HSPA8: variants seen among roughly 807,000 people sequenced by gnomAD.
HSPA8 encodes the protein heat shock cognate 71 kDa protein.
A neutral mutation model predicts 52.8 loss-of-function variants in HSPA8; 2 were observed. That is an observed-to-expected ratio of 0.04 (90% CI 0.02 to 0.12). The LOEUF is 0.12. Ranked by LOEUF, HSPA8 falls within the 10% of genes least tolerant of loss-of-function variation. The probability of loss-of-function intolerance (pLI) is 1.00; values close to 1 mark genes in which losing one functional copy is unlikely to be tolerated. For synonymous variants in HSPA8, 436 were observed against 274.0 expected, an observed-to-expected ratio of 1.59 and a Z score of -5.84; for missense variants, 349 against 800.5, an observed-to-expected ratio of 0.44 and a Z score of 6.81.
chr11:123,061,553 G>C, intron 1 of HSPA8: 1 of 571,672 alleles, frequency 1.7e-6, no homozygotes, highest in Non-Finnish European at 3.1e-6. Context: ...CATCTACCCA[G>C]ACGGCGTGGG....
rs1865490654 is a variant in HSPA8, at chr11:123,061,320, G to A, written c.5C>T (p.Ser2Phe). The A allele has an allele frequency of 6.2e-7, 1 of 1,612,894 alleles. No individual in the cohort carries two copies. The highest frequency in any genetic ancestry group is 8.5e-7 in the Non-Finnish European group (1 of 1,179,338). ...ATCAATACCAACTGCAGGTCCCTTGGACATGGTTGCTGAAAAAAAGAAAAA... is the reference window on the plus strand; with the variant it reads ...ATCAATACCAACTGCAGGTCCCTTGAACATGGTTGCTGAAAAAAAGAAAAA... Reference protein sequence around the residue: MSKGPAVGIDLG... With the variant: MFKGPAVGIDLG... Residue 2 changes from serine (S) to phenylalanine (F), a missense_variant, in exon 2 of 9, where the codon TCC becomes TTC. Physicochemically the swap from Ser to Phe is radical, Grantham distance 155 (BLOSUM62 -2). Transcript: ENST00000534624.
At position 123,061,383 on chromosome 11, in the gene HSPA8, C is replaced by T. The variant is rs1591440191; in HGVS notation, c.-5-54G>A. 2.3e-6 allele frequency: 3 copies of T among 1,332,932 alleles called. No individual in the cohort carries two copies. The East Asian group carries it at 7.3e-5, about 32-fold the overall frequency. The allele number at this position is 1,332,932 out of a possible 1,614,324, so 82.6% of individuals were successfully genotyped here. A position where few individuals can be genotyped will look rare whatever the true frequency, so the allele number is the denominator to read the frequency against. ...ATTCAATTAATCAAAATATTTCCCTCATCCCTTAACAGAACACTTAACCAG... is the reference window on the plus strand; with the variant it reads ...ATTCAATTAATCAAAATATTTCCCTTATCCCTTAACAGAACACTTAACCAG... On this transcript the variant is annotated intron_variant, in intron 1 of 8. Transcript: ENST00000534624.
intron 5 of HSPA8, 39 bp downstream of exon 5, chr11:123,059,434 C>T (rs1319253645): frequency 1.3e-6 from 2 of 1,551,060 alleles, no homozygotes; most frequent in East Asian, 2.3e-5. Context: ...TCACCTTGGG[C>T]CTGCCTGCCT....
chr11:123,060,287 CCA>C lies in HSPA8; in HGVS notation c.412-21_412-20del, dbSNP rs765868149. 20 of 1,609,960 alleles carry C rather than the reference CCA, an allele frequency of 1.2e-5. No homozygotes were observed. The highest frequency in any genetic ancestry group is 1.6e-5 in the Non-Finnish European group (19 of 1,178,258). On this transcript the variant is annotated intron_variant, in intron 3 of 8. Transcript: ENST00000534624. The stretch of plus-strand genomic sequence containing the variant: ...TAACAGTCTAGGAATAAGGAAAAGA[CCA>C]CAGATTGGTAACTATTATACTTACA...
rs1317857757 is a variant in HSPA8 at position 123,058,271 on chromosome 11, T to C, written c.1736A>G (p.Asn579Ser). The C allele has an allele frequency of 1.9e-6, 3 of 1,562,486 alleles. No individual in the cohort carries two copies. The highest frequency in any genetic ancestry group is 2.2e-5 in the South Asian group (2 of 89,842). ...ACAAACCTGATTCTTATCAAGCCAGTTGATAATTTCATTACACTTGTCCAG... is the reference window on the plus strand; with the variant it reads ...ACAAACCTGATTCTTATCAAGCCAGCTGATAATTTCATTACACTTGTCCAG... ...KILDKCNEII[N>S]WLDKNQTAEK... The change falls in exon 8 of 9, where the codon AAC becomes AGC. Residue 579 changes from asparagine (N) to serine (S), a missense_variant. Physicochemically the swap from Asn to Ser is conservative, Grantham distance 46. Transcript: ENST00000534624.
intron 1 of HSPA8, chr11:123,061,855 G>A (rs1248537912): frequency 1.3e-5 from 2 of 159,590 alleles, no homozygotes; most frequent in South Asian, 1.6e-4. Flanking sequence ...GGGCCACTGC[G>A]GCCCACTCCC....
At position 123,058,771 on chromosome 11, in the gene HSPA8, G is replaced by A. The variant is rs1475042517; in HGVS notation, c.1383C>T (p.Leu461=). Residue 461 remains leucine, a synonymous_variant, in exon 7 of 9, where the codon CTC becomes CTT. Coordinates refer to ENST00000534624, the MANE Select transcript of HSPA8 (RefSeq NM_006597.6). ...KDNNLLGKFE[L]TGIPPAPRGV... The stretch of plus-strand genomic sequence containing the variant: ...CTCGGGGTGCAGGAGGTATGCCTGT[G>A]AGTTCAAACTTGCCAAGCAGGTTGT... The A allele has an allele frequency of 6.2e-7, 1 of 1,614,146 alleles. No individual in the cohort carries two copies. Among genetic ancestry groups the A allele is most frequent in the South Asian group, 1.1e-5 (1 of 91,082 alleles).
intron 2 of HSPA8, 36 bp downstream of exon 2, chr11:123,061,084 T>G: frequency 1.3e-6 from 2 of 1,561,022 alleles, no homozygotes; most frequent in Non-Finnish European, 1.8e-6. Context: ...CCTAGCCCTG[T>G]TATATTTGTT....
At chr11:123,060,990 T>C (rs746177143) in intron 2 of HSPA8, 130 bp downstream of exon 2, 6 of 939,644 alleles carry the variant, frequency 6.4e-6, no homozygotes, top group Non-Finnish European at 8.2e-6. Flanking sequence ...ACCTGTTTTA[T>C]AACAGACTTG....
intron 1 of HSPA8, chr11:123,061,837 C>T (rs930202020): frequency 1.2e-5 from 2 of 164,984 alleles, no homozygotes; most frequent in African/African-American, 4.8e-5. Flanking sequence ...GTCTCCCAGC[C>T]TCCCCTGGGG....
Position 123,057,902 on chromosome 11 carries a change from T to C in HSPA8, c.1773A>G (p.Glu591=), listed in dbSNP as rs761588256. The part of the protein sequence containing the change: ...LDKNQTAEKE[E]FEHQQKELEK... The stretch of plus-strand genomic sequence containing the variant: ...CCAGCTCTTTCTGTTGATGTTCAAA[T>C]TCTTCCTTCTCAGCAGTCTGAGGAA... Residue 591 remains glutamate, a synonymous_variant, in exon 9 of 9, where the codon GAA becomes GAG. Coordinates refer to ENST00000534624, the MANE Select transcript of HSPA8 (RefSeq NM_006597.6). The C allele has an allele frequency of 1.2e-6, 2 of 1,609,850 alleles. No individual in the cohort carries two copies. The highest frequency in any genetic ancestry group is 1.1e-5 in the South Asian group (1 of 90,170).
chr11:123,060,423 G>C (rs1865458816), intron 3 of HSPA8, 155 bp from the exon 4 acceptor site: 6 of 937,936 alleles, frequency 6.4e-6, no homozygotes, highest in South Asian at 3.1e-5. Flanking sequence ...CTGGTTTCTG[G>C]TGTTGACAGA....
intron 5 of HSPA8, 42 bp downstream of exon 5, chr11:123,059,431 G>C (rs1865427404): frequency 6.5e-7 from 1 of 1,530,364 alleles, no homozygotes; most frequent in Non-Finnish European, 9.0e-7. Context: ...GAGTCACCTT[G>C]GGCCTGCCTG....
rs1163647441 is a variant in HSPA8, at chr11:123,061,329, G to C, written c.-5C>G. On this transcript the variant is annotated splice_region_variant and 5_prime_UTR_variant, in exon 2 of 9. Coordinates refer to ENST00000534624, the MANE Select transcript of HSPA8 (RefSeq NM_006597.6). ...AACTGCAGGTCCCTTGGACATGGTT[G>C]CTGAAAAAAAGAAAAATCTGGTTTA... 1 of 1,610,410 alleles carries C rather than the reference G, an allele frequency of 6.2e-7. No individual in the cohort carries two copies. The highest frequency in any genetic ancestry group is 8.5e-7 in the Non-Finnish European group (1 of 1,178,194).
rs1591436033 is a variant in HSPA8 at position 123,058,474 on chromosome 11, G to A, written c.1533C>T (p.Ser511=). 5 of 1,613,708 alleles carry A rather than the reference G, an allele frequency of 3.1e-6. No individual in the cohort carries two copies. The highest frequency in any genetic ancestry group is 4.2e-6 in the Non-Finnish European group (5 of 1,179,748). ...ITITNDKGRL[S]KEDIERMVQE... ...GGACCATACGTTCAATGTCTTCCTT[G>A]CTCAAACGGCCTAGGAAAGAAATTA... is the stretch of plus-strand genomic sequence containing the variant. The change falls in exon 8 of 9, where the codon AGC becomes AGT. Residue 511 remains serine (S), a synonymous_variant. Coordinates refer to ENST00000534624, the MANE Select transcript of HSPA8 (RefSeq NM_006597.6).
chr11:123,059,799 G>C lies in HSPA8; in HGVS notation c.794C>G (p.Thr265Ser). Residue 265 changes from threonine to serine, a missense_variant, in exon 5 of 9, where the codon ACT (threonine) becomes AGT (serine). Physicochemically the swap from Thr to Ser is moderately conservative, Grantham distance 58. Transcript: ENST00000534624. ...GGTACGCTTAGCACGTTCACAAGCAGTACGGAGGCGTCTTACAGCTCTCTT... is the reference window on the plus strand; with the variant it reads ...GGTACGCTTAGCACGTTCACAAGCACTACGGAGGCGTCTTACAGCTCTCTT... ...ENKRAVRRLR[T>S]ACERAKRTLS... The C allele has an allele frequency of 6.2e-7, 1 of 1,613,848 alleles. No homozygotes were observed. The highest frequency in any genetic ancestry group is 8.5e-7 in the Non-Finnish European group (1 of 1,179,850).
chr11:123,061,007 A>C lies in HSPA8; in HGVS notation c.205+113T>G. 3.1e-6 allele frequency: 3 copies of C among 974,224 alleles called. No homozygotes were observed. The East Asian group carries it at 7.7e-5, about 25-fold the overall frequency. 60.3% of individuals were successfully genotyped at this position (974,224 alleles called of 1,614,324 possible). A position where few individuals can be genotyped will look rare whatever the true frequency, so the allele number is the denominator to read the frequency against. On this transcript the variant is annotated intron_variant, in intron 2 of 8. Coordinates refer to ENST00000534624, the MANE Select transcript of HSPA8 (RefSeq NM_006597.6). ...CTGTTTTATAACAGACTTGATAACAAGTCTCTCAGCTCAGTTTTTCTAAAA... is the reference window on the plus strand; with the variant it reads ...CTGTTTTATAACAGACTTGATAACACGTCTCTCAGCTCAGTTTTTCTAAAA...
intron 2 of HSPA8, 115 bp downstream of exon 2, chr11:123,061,005 C>T (rs910169755): frequency 2.9e-5 from 28 of 968,976 alleles, no homozygotes; most frequent in Non-Finnish European, 4.0e-5. Context: ...GACTTGATAA[C>T]AAGTCTCTCA....
Position 123,061,332 on chromosome 11 carries a change from G to GA in HSPA8, c.-5-4dup, listed in dbSNP as rs144664941. The GA allele has an allele frequency of 5.5e-3, 8,829 of 1,603,248 alleles. 432 individuals are homozygous for GA. In the African/African-American group the frequency reaches 0.1, roughly 19 times the overall value. The stretch of plus-strand genomic sequence containing the variant: ...TGCAGGTCCCTTGGACATGGTTGCT[G>GA]AAAAAAAGAAAAATCTGGTTTAAAA... On this transcript the variant is annotated splice_region_variant and splice_polypyrimidine_tract_variant and intron_variant, in intron 1 of 8. Coordinates refer to ENST00000534624, the MANE Select transcript of HSPA8 (RefSeq NM_006597.6).
Sources: gnomAD v4.1 joint callset for allele counts on GRCh38, gnomAD v4.1.1 for gene constraint, MANE v1.5 for transcripts, NCBI Gene and HGNC (gene_info 2026-07-23, HGNC 2026-07-21) for gene names.